The following GPR157 variants were observed in gnomAD, a reference collection of about 807,000 sequenced individuals.
GPR157 encodes G protein-coupled receptor 157, also known as G-protein coupled receptor 157.
GPR157 carries 16 observed loss-of-function variants against 23.5 expected under a neutral mutation model. The ratio of observed to expected loss-of-function variants is 0.68; its 90% CI spans 0.46 to 1.04. GPR157 has a LOEUF of 1.04. Ranked by LOEUF, GPR157 falls within the 50% of genes least tolerant of loss-of-function variation. The probability of loss-of-function intolerance (pLI) is 0.00; values close to 1 mark genes in which losing one functional copy is unlikely to be tolerated. For missense variants in GPR157, 440 were observed against 460.7 expected (o/e 0.96, Z 0.41); for synonymous variants, 200 against 221.5 (o/e 0.90, Z 0.86).
Position 9,111,382 on chromosome 1 carries a change from T to C in GPR157, c.491A>G (p.Lys164Arg). Residue 164 changes from lysine to arginine, a missense_variant, in exon 2 of 4, where the codon AAG (lysine) becomes AGG (arginine). Transcript: ENST00000377411. The stretch of plus-strand genomic sequence containing the variant: ...CAGCAGCATCCACAGGACATGGTCC[T>C]TGGCCTCCAGGTCGATCCAGCACCA... ...VGWCWIDLEA[K>R]DHVLWMLLTG... The C allele has an allele frequency of 6.2e-7, 1 of 1,614,200 alleles. No individual in the cohort carries two copies. The highest frequency in any genetic ancestry group is 8.5e-7 in the Non-Finnish European group (1 of 1,180,028).
chr1:9,123,176 T>A (rs201813313), intron 1 of GPR157, among the ~76,000 whole-genome samples: 18,846 of 90,576 alleles, frequency 0.21, 2,587 homozygotes, highest in African/African-American at 0.43. Context: ...AAAAAAAAAA[T>A]ATATATATAT....
At chr1:9,106,283 G>A (rs778645960) in intron 2 of GPR157, among the ~76,000 whole-genome samples, 2 of 152,064 alleles carry the variant, frequency 1.3e-5, no homozygotes, top group Non-Finnish European at 2.9e-5. Flanking sequence ...ACGTCACCAC[G>A]TCTCTGGATG....
At chr1:9,121,702 T>C (rs1224541643) in intron 1 of GPR157, among the ~76,000 whole-genome samples, 1 of 152,146 alleles carries the variant, frequency 6.6e-6, no homozygotes, top group African/African-American at 2.4e-5. Context: ...AGGCCCAGGT[T>C]TCCCCTTTTT....
At chr1:9,117,507 C>A (rs34426715) in intron 1 of GPR157, among the ~76,000 whole-genome samples, 13,366 of 152,310 alleles carry the variant, frequency 0.088, 764 homozygotes, top group Middle Eastern at 0.16. Context: ...CGCCTGTAAT[C>A]CCAGCACTTT....
At position 9,111,411 on chromosome 1, in the gene GPR157, C is replaced by T; in HGVS notation, c.462G>A (p.Val154=). ...KIGYDASDVS[V]GWCWIDLEAK... ...CCTCCAGGTCGATCCAGCACCAGCC[C>T]ACAGACACGTCCGAGGCGTCATAGC... is the stretch of plus-strand genomic sequence containing the variant. Residue 154 remains valine, a synonymous_variant, in exon 2 of 4, where the codon GTG becomes GTA. Coordinates refer to ENST00000377411, the MANE Select transcript of GPR157 (RefSeq NM_024980.5). The T allele has an allele frequency of 6.2e-7, 1 of 1,614,212 alleles. No individual in the cohort carries two copies. The highest frequency in any genetic ancestry group is 8.5e-7 in the Non-Finnish European group (1 of 1,180,038).
At chr1:9,117,814 C>A (rs2941659) in intron 1 of GPR157, among the ~76,000 whole-genome samples, 9,051 of 151,982 alleles carry the variant, frequency 0.06, 405 homozygotes, top group East Asian at 0.17. Flanking sequence ...ACAAAAAAAA[C>A]CCCCACAGTT....
At chr1:9,112,048 G>C (rs539103019) in intron 1 of GPR157, among the ~76,000 whole-genome samples, 11 of 152,302 alleles carry the variant, frequency 7.2e-5, no homozygotes, top group Non-Finnish European at 1.2e-4. Context: ...TGCTGCTGTC[G>C]TGACTGTTGT....
chr1:9,114,234 C>T (rs556521697), intron 1 of GPR157, among the ~76,000 whole-genome samples: 2 of 143,544 alleles, frequency 1.4e-5, no homozygotes, highest in South Asian at 2.3e-4. Flanking sequence ...GAGGCTGAGG[C>T]GGGAGAATCC....
intron 2 of GPR157, among the ~76,000 whole-genome samples, chr1:9,107,961 A>G (rs1198537680): frequency 6.6e-6 from 1 of 151,924 alleles, no homozygotes; most frequent in Non-Finnish European, 1.5e-5. Flanking sequence ...GTGTGGTGGC[A>G]CACACCTGTA....
chr1:9,126,566 G>A (rs917116146), intron 1 of GPR157, among the ~76,000 whole-genome samples: 1 of 152,190 alleles, frequency 6.6e-6, no homozygotes, highest in African/African-American at 2.4e-5. Flanking sequence ...GGATAATCAT[G>A]TAGTCTATGC....
At chr1:9,127,666 C>A (rs72637751) in intron 1 of GPR157, among the ~76,000 whole-genome samples, 4 of 152,340 alleles carry the variant, frequency 2.6e-5, no homozygotes, top group Non-Finnish European at 5.9e-5. Flanking sequence ...TCTTACAGCC[C>A]TGTAGCCTTG....
rs1054210551 is a variant in GPR157 at position 9,128,401 on chromosome 1, C to A, written c.383+244G>T. ...CAGGGCCCGGCTCTGGGGGCGAACT[C>A]TGTCCCCACTACCCCAAGGGGCTGT... On this transcript the variant is annotated intron_variant, in intron 1 of 3. Coordinates refer to ENST00000377411, the MANE Select transcript of GPR157 (RefSeq NM_024980.5). This position sits in a 1 kb window ranked among gnomAD's most constrained non-coding sequence, Gnocchi z 6.3. 4.3e-6 allele frequency: 3 copies of A among 694,638 alleles called. No homozygotes were observed. The highest frequency in any genetic ancestry group is 7.9e-6 in the Non-Finnish European group (3 of 380,474). 43.0% of individuals were successfully genotyped at this position (694,638 alleles called of 1,614,324 possible).
Position 9,128,592 on chromosome 1 carries a change from A to T in GPR157, c.383+53T>A. The T allele has an allele frequency of 1.9e-6, 3 of 1,553,694 alleles. No individual in the cohort carries two copies. The highest frequency in any genetic ancestry group is 2.7e-6 in the Non-Finnish European group (3 of 1,131,174). On this transcript the variant is annotated intron_variant, in intron 1 of 3. Coordinates refer to ENST00000377411, the MANE Select transcript of GPR157 (RefSeq NM_024980.5). This position sits in a 1 kb window ranked among gnomAD's most constrained non-coding sequence, Gnocchi z 6.3. ...CGGCCTCTGGGAGGGCAAGACCGGG[A>T]GGGGTCGGCCTGTGTCGGGGGCTCC...
rs1458905194 is a variant in GPR157, at chr1:9,128,369, A to G, written c.383+276T>C. On this transcript the variant is annotated intron_variant, in intron 1 of 3. Transcript: ENST00000377411. The surrounding 1 kb of genome is among the most constrained non-coding windows in gnomAD (Gnocchi z 6.3). ...CAGAGTGTCCTCCCCAGCCCCGTCC[A>G]AGGAAACAGGGCCCGGCTCTGGGGG... 20 of 674,912 alleles carry G rather than the reference A, an allele frequency of 3.0e-5. No homozygotes were observed. The highest frequency in any genetic ancestry group is 4.9e-5 in the Non-Finnish European group (18 of 367,412). The allele number at this position is 674,912 out of a possible 1,614,324, so 41.8% of individuals were successfully genotyped here.
chr1:9,108,490 G>A (rs112402505), intron 2 of GPR157, among the ~76,000 whole-genome samples: 12 of 152,352 alleles, frequency 7.9e-5, no homozygotes, highest in African/African-American at 2.9e-4. Context: ...CTGTAGAGGA[G>A]AGTCCTGGGC....
At position 9,104,253 on chromosome 1, in the gene GPR157, T is replaced by G; in HGVS notation, c.*166A>C. The G allele has an allele frequency of 1.7e-6, 1 of 598,326 alleles. No individual in the cohort carries two copies. The highest frequency in any genetic ancestry group is 3.0e-6 in the Non-Finnish European group (1 of 336,828). 37.1% of individuals were successfully genotyped at this position (598,326 alleles called of 1,614,324 possible). On this transcript the variant is annotated 3_prime_UTR_variant, in exon 4 of 4. Transcript: ENST00000377411. ...ACTTGCTGCCTGAGGATCTAGGAGG[T>G]AGAAGAAGCTGAGTTGGCAGCTGCT...
rs990830459 is a variant in GPR157 at position 9,128,948 on chromosome 1, A to C, written c.80T>G (p.Leu27Arg). 4.0e-6 allele frequency: 6 copies of C among 1,505,066 alleles called. No homozygotes were observed. The African/African-American group carries it at 5.6e-5, about 14-fold the overall frequency. The allele number at this position is 1,505,066 out of a possible 1,614,324, so 93.2% of individuals were successfully genotyped here. A position where few individuals can be genotyped will look rare whatever the true frequency, so the allele number is the denominator to read the frequency against. Residue 27 changes from leucine to arginine, a missense_variant, in exon 1 of 4, where the codon CTC becomes CGC. Transcript: ENST00000377411. The surrounding 1 kb of genome is among the most constrained non-coding windows in gnomAD (Gnocchi z 6.3). ...VVLLSCALSA[L>R]GSGLLVATHA... ...CGTGGCCACCAGCAGGCCCGAGCCG[A>C]GCGCGGAGAGTGCGCACGACAGCAG...
rs1390652976 is a variant in GPR157 at position 9,128,614 on chromosome 1, C to T, written c.383+31G>A. 1 of 1,604,984 alleles carries T rather than the reference C, an allele frequency of 6.2e-7. No homozygotes were observed. Among genetic ancestry groups the T allele is most frequent in the East Asian group, 2.2e-5 (1 of 44,716 alleles). ...GGGAGGGGTCGGCCTGTGTCGGGGGCTCCTGGAAAAGCAGCGCCACCGCCA... is the reference window on the plus strand; with the variant it reads ...GGGAGGGGTCGGCCTGTGTCGGGGGTTCCTGGAAAAGCAGCGCCACCGCCA... On this transcript the variant is annotated intron_variant, in intron 1 of 3. Transcript: ENST00000377411. This position sits in a 1 kb window ranked among gnomAD's most constrained non-coding sequence, Gnocchi z 6.3.
At position 9,118,708 on chromosome 1, in the gene GPR157, G is replaced by A. The variant is rs1638736990; in HGVS notation, c.384-7219C>T. Reference sequence around the variant, plus strand: ...TGATTAAGTTAAAATGCAGTCATCAGAGTGGAACCTAACCTAACAACCTCT... The same window carrying A: ...TGATTAAGTTAAAATGCAGTCATCAAAGTGGAACCTAACCTAACAACCTCT... On this transcript the variant is annotated intron_variant, in intron 1 of 3. Coordinates refer to ENST00000377411, the MANE Select transcript of GPR157 (RefSeq NM_024980.5). This position sits in a 1 kb window ranked among gnomAD's most constrained non-coding sequence, Gnocchi z 4.6. Among the ~76,000 whole-genome samples the A allele has an allele frequency of 6.6e-6, 1 of 152,168 alleles. No homozygotes were observed. Among genetic ancestry groups the A allele is most frequent in the Non-Finnish European group, 1.5e-5 (1 of 68,044 alleles).
Sources: gnomAD v4.1 joint callset for allele counts (sites outside exome capture counted in the v4.1 genomes callset) on GRCh38, gnomAD v4.1.1 for gene constraint, Gnocchi (gnomAD v3.1) non-coding constraint, MANE v1.5 for transcripts, NCBI Gene and HGNC (gene_info 2026-07-23, HGNC 2026-07-21) for gene names.